HSD17B13: variants seen among roughly 807,000 people sequenced by gnomAD.
HSD17B13 encodes hydroxysteroid 17-beta dehydrogenase 13, also known as 17-beta-hydroxysteroid dehydrogenase 13.
A neutral mutation model predicts 31.1 loss-of-function variants in HSD17B13; 26 were observed. That is an observed-to-expected ratio of 0.84 (90% CI 0.61 to 1.16). The LOEUF is 1.16. Among genes scored for constraint, HSD17B13 ranks in the 50% most tolerant of loss-of-function variants. The probability of loss-of-function intolerance (pLI) is 0.00; values close to 1 mark genes in which losing one functional copy is unlikely to be tolerated. For synonymous variants in HSD17B13, 141 were observed against 133.7 expected (o/e 1.05, Z -0.38); for missense variants, 374 against 366.5 (o/e 1.02, Z -0.17).
intron 6 of HSD17B13, among the ~76,000 whole-genome samples, chr4:87,307,310 T>C (rs1734411897): frequency 6.6e-6 from 1 of 152,194 alleles, no homozygotes; most frequent in South Asian, 2.1e-4. Context: ...GAGACTCTTG[T>C]TTATTTTACT....
intron 2 of HSD17B13, 144 bp from the exon 3 acceptor site, chr4:87,317,367 C>T (rs1447289496): frequency 1.6e-5 from 12 of 734,458 alleles, no homozygotes; most frequent in Non-Finnish European, 2.7e-5. Context: ...GAGCTCAAAT[C>T]GTGGAGGCCA....
At chr4:87,305,413 C>T (rs572297029) in intron 6 of HSD17B13, 105 bp from the exon 7 acceptor site, 54 of 592,746 alleles carry the variant, frequency 9.1e-5, no homozygotes, top group African/African-American at 6.3e-4. Context: ...ATCTGGTTTG[C>T]GTTTAACTTT....
At chr4:87,308,404 C>G (rs1403638472) in intron 6 of HSD17B13, among the ~76,000 whole-genome samples, 4 of 141,550 alleles carry the variant, frequency 2.8e-5, no homozygotes, top group Admixed American at 1.6e-4. Context: ...AATCCCAGCA[C>G]TTTGGGAGGC....
intron 5 of HSD17B13, 125 bp from the exon 6 acceptor site, chr4:87,310,484 G>A: frequency 1.8e-6 from 2 of 1,132,838 alleles, no homozygotes; most frequent in Non-Finnish European, 2.2e-6. Flanking sequence ...AATATTCCAG[G>A]ATTTGCTGCA....
chr4:87,317,280 G>A (rs1578442182), intron 2 of HSD17B13, 57 bp from the exon 3 acceptor site: 1 of 1,564,282 alleles, frequency 6.4e-7, no homozygotes, highest in East Asian at 2.2e-5. Flanking sequence ...CAAAGTTTTG[G>A]GACCAATATA....
chr4:87,306,267 A>C (rs1161256678), intron 6 of HSD17B13, among the ~76,000 whole-genome samples: 7 of 152,188 alleles, frequency 4.6e-5, no homozygotes, highest in Admixed American at 3.3e-4. Flanking sequence ...TGAAGGTCTG[A>C]GCTCATTGCT....
At chr4:87,308,596 G>A (rs1369614373) in intron 6 of HSD17B13, among the ~76,000 whole-genome samples, 1 of 143,708 alleles carries the variant, frequency 7.0e-6, no homozygotes, top group Non-Finnish European at 1.5e-5. Context: ...CAGGAGAATG[G>A]CATGAACCCA....
intron 6 of HSD17B13, among the ~76,000 whole-genome samples, chr4:87,307,367 T>C (rs904992002): frequency 2.1e-4 from 32 of 152,308 alleles, no homozygotes; most frequent in African/African-American, 7.7e-4. Flanking sequence ...TTTATCACCT[T>C]GGTCATATGC....
At chr4:87,311,818 A>C (rs111326781) in intron 5 of HSD17B13, among the ~76,000 whole-genome samples, 49 of 152,310 alleles carry the variant, frequency 3.2e-4, no homozygotes, top group African/African-American at 1.1e-3. Context: ...ACTGCCTTGA[A>C]TAGCAAGCCA....
intron 6 of HSD17B13, among the ~76,000 whole-genome samples, chr4:87,305,650 T>G (rs1734374818): frequency 6.6e-6 from 1 of 152,040 alleles, no homozygotes; most frequent in Non-Finnish European, 1.5e-5. Flanking sequence ...AACACAGAGG[T>G]TGCAGTGAGC....
chr4:87,314,110 A>G (rs1472978114), intron 4 of HSD17B13, 150 bp from the exon 5 acceptor site: 5 of 489,846 alleles, frequency 1.0e-5, no homozygotes, highest in Admixed American at 7.7e-5. Context: ...ATGGCAATTC[A>G]TTTTCATTTT....
chr4:87,318,714 C>CT (rs1734715594), intron 1 of HSD17B13, among the ~76,000 whole-genome samples: 1 of 148,792 alleles, frequency 6.7e-6, no homozygotes, highest in African/African-American at 2.5e-5. Context: ...AGGATAATTG[C>CT]TTGAACCTGG....
In HSD17B13 at chr4:87,322,722, G is replaced by A; in HGVS notation, c.120C>T (p.Leu40=). ...CTATTCCATGCCCAGCTCCAGTAAT[G>A]AGAACAATCTCCCCAGCCACAGATT... ...RRKSVAGEIV[L]ITGAGHGIGR... Residue 40 remains leucine, a synonymous_variant, in exon 1 of 7, where the codon CTC becomes CTT. Transcript: ENST00000328546. 3 of 1,614,082 alleles carry A rather than the reference G, an allele frequency of 1.9e-6. No individual in the cohort carries two copies. The highest frequency in any genetic ancestry group is 1.1e-5 in the South Asian group (1 of 91,070).
chr4:87,315,020 C>A (rs945631978), intron 4 of HSD17B13, among the ~76,000 whole-genome samples: 2 of 152,186 alleles, frequency 1.3e-5, no homozygotes, highest in African/African-American at 4.8e-5. Context: ...GCATTGTAAT[C>A]TTGAGGCAGG....
chr4:87,317,071 A>G, intron 3 of HSD17B13, 21 bp downstream of exon 3: 1 of 1,612,266 alleles, frequency 6.2e-7, no homozygotes, highest in Non-Finnish European at 8.5e-7. Context: ...CAAATCAGAA[A>G]TGTTTCTGAC....
chr4:87,320,877 A>G (rs1734770941), intron 1 of HSD17B13, among the ~76,000 whole-genome samples: 1 of 152,230 alleles, frequency 6.6e-6, no homozygotes, highest in South Asian at 2.1e-4. Flanking sequence ...GGAGCCAGTT[A>G]TGATGAAAAC....
At chr4:87,312,598 C>G (rs1734555550) in intron 5 of HSD17B13, among the ~76,000 whole-genome samples, 1 of 135,050 alleles carries the variant, frequency 7.4e-6, no homozygotes, top group Non-Finnish European at 1.5e-5. Flanking sequence ...GGCGCGATCT[C>G]GGCTCACTGC....
At chr4:87,320,360 T>C (rs111606889) in intron 1 of HSD17B13, among the ~76,000 whole-genome samples, 13,942 of 151,260 alleles carry the variant, frequency 0.092, 852 homozygotes, top group Middle Eastern at 0.15. Flanking sequence ...GATGTTTTGA[T>C]TGAAGAATTA....
intron 3 of HSD17B13, 122 bp downstream of exon 3, chr4:87,316,970 G>T: frequency 1.0e-6 from 1 of 975,674 alleles, no homozygotes; most frequent in Middle Eastern, 2.2e-4. Context: ...CAAATTTAAT[G>T]ATTCTTGATT....
Sources: gnomAD v4.1 joint callset for allele counts (sites outside exome capture counted in the v4.1 genomes callset) on GRCh38, gnomAD v4.1.1 for gene constraint, MANE v1.5 for transcripts, NCBI Gene and HGNC (gene_info 2026-07-23, HGNC 2026-07-21) for gene names.